Variants in GALNTL6 observed in about 807,000 individuals in gnomAD.
GALNTL6 encodes the protein polypeptide N-acetylgalactosaminyltransferase like 6.
Under a neutral mutation model 73.7 loss-of-function variants are expected in GALNTL6, and 46 were observed. The observed-to-expected ratio is 0.62, with a 90% CI of 0.49 to 0.80. The LOEUF (loss-of-function observed/expected upper bound fraction) is 0.80. Among genes scored for constraint, GALNTL6 ranks in the 30% least tolerant of loss-of-function variants. GALNTL6 has a pLI of 0.00. For missense variants in GALNTL6, 604 were observed against 755.0 expected, an observed-to-expected ratio of 0.80 and a Z score of 2.34; for synonymous variants, 259 against 263.7, an observed-to-expected ratio of 0.98 and a Z score of 0.17.
intron 2 of GALNTL6, among the ~76,000 whole-genome samples, chr4:172,169,408 T>C (rs1475628247): frequency 6.6e-6 from 1 of 152,242 alleles, no homozygotes; most frequent in Admixed American, 6.5e-5. Context: ...AGAAGCCTAA[T>C]CTTTTGGGTA....
chr4:172,277,804 A>T lies in GALNTL6; in HGVS notation c.248-33810A>T, dbSNP rs188265519. Among the ~76,000 whole-genome samples, 3 of 152,356 alleles carry T rather than the reference A, an allele frequency of 2.0e-5. No individual in the cohort carries two copies. In the East Asian group the frequency reaches 5.8e-4, roughly 29 times the overall value. On this transcript the variant is annotated intron_variant, in intron 3 of 12. Transcript: ENST00000506823. ...GTAGTGGTTTTGTTAAACCCTACTTATACATGCTGCTTTTATCAGCCTTCA... is the reference window on the plus strand; with the variant it reads ...GTAGTGGTTTTGTTAAACCCTACTTTTACATGCTGCTTTTATCAGCCTTCA...
intron 2 of GALNTL6, among the ~76,000 whole-genome samples, chr4:172,177,804 CACATATATGTGTGTGT>C (rs1735081639): frequency 1.5e-5 from 2 of 129,238 alleles, no homozygotes; most frequent in African/African-American, 7.9e-5. Flanking sequence ...TATATACACA[CACATATATGTGTGTGT>C]ATATATACAC....
At chr4:173,010,897 G>A (rs6811671) in intron 11 of GALNTL6, among the ~76,000 whole-genome samples, 10,794 of 151,658 alleles carry the variant, frequency 0.071, 710 homozygotes, top group African/African-American at 0.17. Flanking sequence ...AAGCCACCAC[G>A]CCCAGCCAAT....
intron 5 of GALNTL6, among the ~76,000 whole-genome samples, chr4:172,564,477 T>C (rs542508354): frequency 6.6e-6 from 1 of 152,338 alleles, no homozygotes; most frequent in African/African-American, 2.4e-5. Flanking sequence ...CTGAAAAAGA[T>C]ATTAAGGCAC....
At chr4:172,498,985 CATAAA>C (rs1734167429) in intron 5 of GALNTL6, among the ~76,000 whole-genome samples, 1 of 152,164 alleles carries the variant, frequency 6.6e-6, no homozygotes, top group African/African-American at 2.4e-5. Flanking sequence ...CTTAGTCTGG[CATAAA>C]TAAGACTTGA....
intron 2 of GALNTL6, among the ~76,000 whole-genome samples, chr4:171,964,860 A>G (rs894986936): frequency 5.3e-5 from 8 of 152,324 alleles, no homozygotes; most frequent in Admixed American, 3.3e-4. Context: ...GAGGCAGCCC[A>G]TACTGATTGG....
intron 5 of GALNTL6, among the ~76,000 whole-genome samples, chr4:172,525,128 G>T (rs997594525): frequency 6.6e-6 from 1 of 151,870 alleles, no homozygotes; most frequent in Non-Finnish European, 1.5e-5. Context: ...GTCTTCCTTT[G>T]TACCAAAAGC....
chr4:171,827,146 A>G (rs1734846416), intron 2 of GALNTL6, among the ~76,000 whole-genome samples: 1 of 152,176 alleles, frequency 6.6e-6, no homozygotes. Context: ...AAAAGTTCCA[A>G]CAAGGTCACA....
At chr4:171,935,535 C>A (rs1738313643) in intron 2 of GALNTL6, among the ~76,000 whole-genome samples, 1 of 152,118 alleles carries the variant, frequency 6.6e-6, no homozygotes, top group Non-Finnish European at 1.5e-5. Flanking sequence ...GTGGCATGAT[C>A]ATAGTTCATT....
At chr4:172,408,882 A>G (rs377751831) in intron 5 of GALNTL6, among the ~76,000 whole-genome samples, 2 of 152,056 alleles carry the variant, frequency 1.3e-5, no homozygotes, top group East Asian at 3.8e-4. Flanking sequence ...ACCAATAGAA[A>G]TCTTCAGAAA....
At chr4:172,804,141 A>T (rs1302355377) in intron 5 of GALNTL6, among the ~76,000 whole-genome samples, 1 of 152,200 alleles carries the variant, frequency 6.6e-6, no homozygotes, top group Non-Finnish European at 1.5e-5. Flanking sequence ...CAAGTAGATT[A>T]AAAAAATTTA....
chr4:172,660,851 G>C (rs1159606456), intron 5 of GALNTL6, among the ~76,000 whole-genome samples: 1 of 152,194 alleles, frequency 6.6e-6, no homozygotes, highest in Non-Finnish European at 1.5e-5. Context: ...TCTTCCCTCT[G>C]AGCCAGCTCT....
At chr4:172,465,539 A>AT (rs1175788386) in intron 5 of GALNTL6, among the ~76,000 whole-genome samples, 1 of 152,144 alleles carries the variant, frequency 6.6e-6, no homozygotes, top group African/African-American at 2.4e-5. Flanking sequence ...TAATTGTGAG[A>AT]TTTTTTAAAA....
intron 5 of GALNTL6, among the ~76,000 whole-genome samples, chr4:172,552,546 A>G (rs953657152): frequency 6.6e-6 from 1 of 152,030 alleles, no homozygotes; most frequent in Non-Finnish European, 1.5e-5. Flanking sequence ...ATAAAGTCCA[A>G]ATTTCGTGAT....
intron 5 of GALNTL6, among the ~76,000 whole-genome samples, chr4:172,653,321 G>A (rs938445112): frequency 6.6e-6 from 1 of 150,738 alleles, no homozygotes; most frequent in Admixed American, 6.6e-5. Context: ...CCAGATTCAA[G>A]TGATTCTCCT....
At chr4:172,895,965 T>C (rs569489627) in intron 8 of GALNTL6, among the ~76,000 whole-genome samples, 215 of 152,204 alleles carry the variant, frequency 1.4e-3, no homozygotes, top group Non-Finnish European at 2.6e-3. Context: ...TTCTCTGTGA[T>C]TTTTATTATT....
At chr4:172,233,315 T>C (rs745644222) in intron 3 of GALNTL6, among the ~76,000 whole-genome samples, 5 of 151,842 alleles carry the variant, frequency 3.3e-5, no homozygotes, top group Non-Finnish European at 7.4e-5. Context: ...GAGGCTGCAG[T>C]GAGCTATCCA....
rs1183189007 is a variant in GALNTL6, at chr4:172,751,027, T to A, written c.554-58334T>A. On this transcript the variant is annotated intron_variant, in intron 5 of 12. Transcript: ENST00000506823. ...GGTTGTGAAGTGGTGAGTTGTGATATCAGAACTGAAACTACCCAGTTCTTT... is the reference window on the plus strand; with the variant it reads ...GGTTGTGAAGTGGTGAGTTGTGATAACAGAACTGAAACTACCCAGTTCTTT... Among the ~76,000 whole-genome samples the A allele has an allele frequency of 2.6e-5, 4 of 152,142 alleles. No homozygotes were observed. The East Asian group carries it at 7.7e-4, about 29-fold the overall frequency.
chr4:172,415,119 G>A (rs1451814067), intron 5 of GALNTL6, among the ~76,000 whole-genome samples: 1 of 152,076 alleles, frequency 6.6e-6, no homozygotes, highest in Non-Finnish European at 1.5e-5. Flanking sequence ...TGAACTTTCT[G>A]TCGTCAAAGT....
Sources: allele counts gnomAD v4.1 joint callset (sites outside exome capture counted in the v4.1 genomes callset), GRCh38; gene constraint gnomAD v4.1.1; transcripts MANE v1.5; gene names NCBI Gene and HGNC (gene_info 2026-07-23, HGNC 2026-07-21).